The following HDAC9 variants were observed in gnomAD, a reference collection of about 807,000 sequenced individuals.
HDAC9 encodes histone deacetylase 9, also known as MEF-2 interacting transcription repressor (MITR) protein.
Under a neutral mutation model 139.4 loss-of-function variants are expected in HDAC9, and 41 were observed. The observed-to-expected ratio is 0.29, with a 90% confidence interval of 0.23 to 0.38. The LOEUF (loss-of-function observed/expected upper bound fraction) is 0.38. Among genes scored for constraint, HDAC9 ranks in the 10% least tolerant of loss-of-function variants. The pLI is 1.00. For synonymous variants in HDAC9, 517 were observed against 476.2 expected (o/e 1.09, Z -1.12); for missense variants, 1,147 against 1,297.0 (o/e 0.88, Z 1.78).
chr7:18,823,303 A>T (rs958294731), intron 17 of HDAC9, among the ~76,000 whole-genome samples: 4 of 152,192 alleles, frequency 2.6e-5, no homozygotes, highest in African/African-American at 7.2e-5. Flanking sequence ...GATTGGAAGA[A>T]CGAAAGGAAG....
At chr7:18,934,354 A>C (rs1228653041) in intron 22 of HDAC9, among the ~76,000 whole-genome samples, 1 of 152,110 alleles carries the variant, frequency 6.6e-6, no homozygotes, top group Non-Finnish European at 1.5e-5. Flanking sequence ...AGTACAGATT[A>C]ACCCCATTCA....
chr7:18,874,713 A>G, intron 22 of HDAC9, 117 bp downstream of exon 22: 1 of 646,566 alleles, frequency 1.5e-6, no homozygotes, highest in South Asian at 1.8e-5. Flanking sequence ...ACATTTGAAA[A>G]TGATTCAGGT....
chr7:18,964,732 G>T (rs751068083), intron 24 of HDAC9, among the ~76,000 whole-genome samples: 5 of 152,244 alleles, frequency 3.3e-5, no homozygotes, highest in Middle Eastern at 3.4e-3. Flanking sequence ...TGTGAAGGAG[G>T]AACTGTCAGA....
intron 11 of HDAC9, among the ~76,000 whole-genome samples, chr7:18,659,304 A>G (rs1399512640): frequency 6.6e-6 from 1 of 152,150 alleles, no homozygotes; most frequent in East Asian, 1.9e-4. Flanking sequence ...TAACATATAA[A>G]CATTAGTGAC....
rs138620405 is a variant in HDAC9 at position 18,094,289 on chromosome 7, T to A, written c.-97+7076T>A. ...AATCTATTCTAGAGCACACTGTAGC[T>A]CAGGAAGTCTCTAAATAAACTTAAT... On this transcript the variant is annotated intron_variant, in intron 1 of 12. Transcript: ENST00000417496. Among the ~76,000 whole-genome samples, 5 of 152,332 alleles carry A rather than the reference T, an allele frequency of 3.3e-5. No individual in the cohort carries two copies. The East Asian group carries it at 9.6e-4, about 29-fold the overall frequency.
intron 1 of HDAC9, among the ~76,000 whole-genome samples, chr7:18,344,283 T>A (rs1384137398): frequency 6.6e-6 from 1 of 151,898 alleles, no homozygotes; most frequent in African/African-American, 2.4e-5. Context: ...GTTGATTATG[T>A]ACTATGTGGT....
chr7:18,205,392 G>A (rs1352877841), intron 2 of HDAC9, among the ~76,000 whole-genome samples: 1 of 151,876 alleles, frequency 6.6e-6, no homozygotes, highest in African/African-American at 2.4e-5. Context: ...AGCTTCTCCT[G>A]TGTTACAAAC....
chr7:18,814,088 G>A (rs1408139778), intron 17 of HDAC9, among the ~76,000 whole-genome samples: 3 of 152,096 alleles, frequency 2.0e-5, no homozygotes, highest in African/African-American at 7.2e-5. Flanking sequence ...ATATGCTTTA[G>A]CTTATACTGA....
intron 1 of HDAC9, among the ~76,000 whole-genome samples, chr7:18,483,370 G>A (rs1377022801): frequency 6.6e-6 from 1 of 152,186 alleles, no homozygotes; most frequent in Non-Finnish European, 1.5e-5. Context: ...AAAGATGAGA[G>A]CAAGGTTTTC....
chr7:18,356,155 C>G (rs1235675484), intron 1 of HDAC9, among the ~76,000 whole-genome samples: 1 of 151,996 alleles, frequency 6.6e-6, no homozygotes, highest in East Asian at 1.9e-4. Context: ...ATTGGGTCTT[C>G]AGACAGAATC....
At chr7:18,905,718 AC>A (rs1266889074) in intron 22 of HDAC9, among the ~76,000 whole-genome samples, 1 of 152,244 alleles carries the variant, frequency 6.6e-6, no homozygotes, top group African/African-American at 2.4e-5. Context: ...CAGAAATGTA[AC>A]ATTCCAATTT....
chr7:18,891,649 G>A (rs1193277174), intron 22 of HDAC9, among the ~76,000 whole-genome samples: 1 of 152,190 alleles, frequency 6.6e-6, no homozygotes, highest in Non-Finnish European at 1.5e-5. Flanking sequence ...CTCCTTGTGT[G>A]ACTGACTTGA....
At chr7:18,306,544 G>T (rs1023706072) in intron 1 of HDAC9, among the ~76,000 whole-genome samples, 2 of 152,122 alleles carry the variant, frequency 1.3e-5, no homozygotes, top group African/African-American at 2.4e-5. Context: ...GTAATATAGG[G>T]GTAGTTTGGA....
intron 17 of HDAC9, among the ~76,000 whole-genome samples, chr7:18,818,077 G>A (rs968425076): frequency 6.6e-6 from 1 of 152,180 alleles, no homozygotes; most frequent in South Asian, 2.1e-4. Context: ...TTTGAATTCA[G>A]CAAATGTATT....
intron 1 of HDAC9, among the ~76,000 whole-genome samples, chr7:18,348,493 G>C: frequency 6.6e-6 from 1 of 151,966 alleles, no homozygotes; most frequent in East Asian, 1.9e-4. Flanking sequence ...TAATTTTTCT[G>C]AAAAATACCA....
chr7:18,705,852 C>CAAAAAAAAAAAAAAAAAAA (rs376206693), intron 12 of HDAC9, among the ~76,000 whole-genome samples: 1 of 82,022 alleles, frequency 1.2e-5, no homozygotes. Flanking sequence ...GACTCTGTCT[C>CAAAAAAAAAAAAAAAAAAA]AAAAAAAAAA....
chr7:18,184,408 T>TA (rs1789745337), intron 2 of HDAC9, among the ~76,000 whole-genome samples: 1 of 151,892 alleles, frequency 6.6e-6, no homozygotes, highest in Non-Finnish European at 1.5e-5. Flanking sequence ...CTCAAATAAA[T>TA]AAAAAAATAA....
intron 13 of HDAC9, among the ~76,000 whole-genome samples, chr7:18,743,897 G>A (rs189508991): frequency 1.9e-3 from 285 of 150,612 alleles, no homozygotes; most frequent in Non-Finnish European, 3.5e-3. Flanking sequence ...AGATCATTCC[G>A]TCTTTAAAAA....
At chr7:18,450,189 C>G (rs1211089565) in intron 1 of HDAC9, among the ~76,000 whole-genome samples, 2 of 152,204 alleles carry the variant, frequency 1.3e-5, no homozygotes, top group African/African-American at 4.8e-5. Flanking sequence ...GTCCTTCCAA[C>G]TCTGATTGCC....
Sources: allele counts gnomAD v4.1 joint callset (sites outside exome capture counted in the v4.1 genomes callset), GRCh38; gene constraint gnomAD v4.1.1; transcripts MANE v1.5; gene names NCBI Gene and HGNC (gene_info 2026-07-23, HGNC 2026-07-21).